The following DCC variants were observed in gnomAD, a reference collection of about 807,000 sequenced individuals.
The protein encoded by DCC is DCC netrin 1 receptor.
DCC carries 58 observed loss-of-function variants against 172.5 expected under a neutral mutation model. That is an observed-to-expected ratio of 0.34 (90% CI 0.27 to 0.42). DCC has a LOEUF of 0.42. Ranked by LOEUF, DCC falls within the 10% of genes least tolerant of loss-of-function variation. The pLI is 1.00. For synonymous variants in DCC, 709 were observed against 644.5 expected (o/e 1.10, Z -1.52); for missense variants, 1,740 against 1,791.0 (o/e 0.97, Z 0.51).
At chr18:52,650,854 T>C (rs903878057) in intron 1 of DCC, among the ~76,000 whole-genome samples, 2 of 152,238 alleles carry the variant, frequency 1.3e-5, no homozygotes, top group East Asian at 1.9e-4. Context: ...ACTTGTTGTC[T>C]GTTTCATGTT....
chr18:52,522,901 A>C (rs911292156), intron 1 of DCC, among the ~76,000 whole-genome samples: 1 of 152,212 alleles, frequency 6.6e-6, no homozygotes, highest in African/African-American at 2.4e-5. Flanking sequence ...CAGATCTGTA[A>C]GAGTGGTAAT....
At chr18:53,107,541 GA>G (rs11458727) in intron 7 of DCC, among the ~76,000 whole-genome samples, 21,808 of 137,424 alleles carry the variant, frequency 0.16, 2,014 homozygotes, top group African/African-American at 0.27. Context: ...AAAAAGGAAG[GA>G]AAAAAAAAAA....
intron 23 of DCC, among the ~76,000 whole-genome samples, chr18:53,456,806 A>G (rs2045488622): frequency 6.6e-6 from 1 of 152,204 alleles, no homozygotes; most frequent in African/African-American, 2.4e-5. Context: ...GTGGGCTGCA[A>G]TGAGCAGCAG....
At chr18:52,720,904 G>A (rs150288783) in intron 1 of DCC, among the ~76,000 whole-genome samples, 38 of 152,254 alleles carry the variant, frequency 2.5e-4, no homozygotes, top group African/African-American at 8.2e-4. Flanking sequence ...AACAGACTCT[G>A]GCAAATGAGT....
At chr18:52,974,436 C>T (rs2041081068) in intron 5 of DCC, among the ~76,000 whole-genome samples, 1 of 152,142 alleles carries the variant, frequency 6.6e-6, no homozygotes, top group African/African-American at 2.4e-5. Context: ...GACGGAGCCA[C>T]ATTTGCATAA....
chr18:52,796,717 C>T (rs544667569), intron 2 of DCC, among the ~76,000 whole-genome samples: 93 of 152,204 alleles, frequency 6.1e-4, no homozygotes, highest in African/African-American at 2.0e-3. Flanking sequence ...TTTTATGTGA[C>T]TTGATGCTTT....
At chr18:53,181,600 A>G (rs1211111216) in intron 9 of DCC, among the ~76,000 whole-genome samples, 2 of 152,128 alleles carry the variant, frequency 1.3e-5, no homozygotes, top group African/African-American at 4.8e-5. Flanking sequence ...TTTGTATCAC[A>G]CATATGGCCT....
chr18:52,634,612 T>C (rs921313169), intron 1 of DCC, among the ~76,000 whole-genome samples: 3 of 152,242 alleles, frequency 2.0e-5, no homozygotes, highest in African/African-American at 7.2e-5. Context: ...CCTTAAATAC[T>C]GAATGCCTAA....
chr18:52,639,445 A>T (rs2034847892), intron 1 of DCC, among the ~76,000 whole-genome samples: 1 of 152,188 alleles, frequency 6.6e-6, no homozygotes, highest in Non-Finnish European at 1.5e-5. Flanking sequence ...GACAAAATCC[A>T]AATAACCTCA....
At chr18:52,450,592 A>G (rs574317530) in intron 1 of DCC, among the ~76,000 whole-genome samples, 3 of 152,302 alleles carry the variant, frequency 2.0e-5, no homozygotes, top group African/African-American at 4.8e-5. Flanking sequence ...GGCCTGCCCA[A>G]ACGTTTCTTA....
intron 1 of DCC, among the ~76,000 whole-genome samples, chr18:52,638,678 A>C (rs530295687): frequency 2.0e-5 from 3 of 152,266 alleles, no homozygotes; most frequent in Non-Finnish European, 4.4e-5. Flanking sequence ...CCACATTTAT[A>C]AAACAATTAC....
intron 15 of DCC, among the ~76,000 whole-genome samples, chr18:53,349,821 C>T (rs1162662944): frequency 6.6e-6 from 1 of 152,164 alleles, no homozygotes; most frequent in East Asian, 1.9e-4. Context: ...CAGGTTCCTC[C>T]CATGACGTGG....
chr18:52,965,430 C>T (rs1442738291), intron 5 of DCC, among the ~76,000 whole-genome samples: 4 of 151,840 alleles, frequency 2.6e-5, no homozygotes, highest in Non-Finnish European at 5.9e-5. Flanking sequence ...TTTTAAAGTA[C>T]AAATTTCTAA....
chr18:52,880,085 T>A (rs954322263), intron 2 of DCC, among the ~76,000 whole-genome samples: 8 of 152,264 alleles, frequency 5.3e-5, no homozygotes, highest in Non-Finnish European at 8.8e-5. Flanking sequence ...TATTATTGAT[T>A]ATAGTCACTC....
At chr18:52,446,790 C>A (rs1274678544) in intron 1 of DCC, among the ~76,000 whole-genome samples, 1 of 152,196 alleles carries the variant, frequency 6.6e-6, no homozygotes, top group Non-Finnish European at 1.5e-5. Context: ...AACCAACTCA[C>A]CAGACCCCCT....
At chr18:53,077,648 G>A (rs2042741868) in intron 7 of DCC, among the ~76,000 whole-genome samples, 1 of 152,116 alleles carries the variant, frequency 6.6e-6, no homozygotes, top group African/African-American at 2.4e-5. Context: ...TGTGAGTAGG[G>A]AAACTGCTGC....
intron 9 of DCC, among the ~76,000 whole-genome samples, chr18:53,192,184 G>A (rs917710077): frequency 6.6e-6 from 1 of 152,214 alleles, no homozygotes; most frequent in Non-Finnish European, 1.5e-5. Context: ...TTGCATGCAT[G>A]TATGTGGAAG....
chr18:53,357,582 A>AT (rs1348264353), intron 15 of DCC, among the ~76,000 whole-genome samples: 4 of 152,192 alleles, frequency 2.6e-5, no homozygotes, highest in Admixed American at 2.6e-4. Flanking sequence ...CATCATAAGT[A>AT]TTGGTTAACA....
intron 1 of DCC, among the ~76,000 whole-genome samples, chr18:52,525,379 C>T (rs2031951549): frequency 6.6e-6 from 1 of 152,202 alleles, no homozygotes; most frequent in African/African-American, 2.4e-5. Context: ...TTCCCTACTC[C>T]TACCCATCTG....
Sources: allele counts gnomAD v4.1 joint callset (sites outside exome capture counted in the v4.1 genomes callset), GRCh38; gene constraint gnomAD v4.1.1; transcripts MANE v1.5; gene names NCBI Gene and HGNC (gene_info 2026-07-23, HGNC 2026-07-21).